Variants in ARID1B observed in about 807,000 individuals in gnomAD.
The protein encoded by ARID1B is AT-rich interaction domain 1B.
ARID1B carries 30 observed loss-of-function variants against 212.3 expected under a neutral mutation model. The observed-to-expected ratio is 0.14, with a 90% confidence interval of 0.11 to 0.19. The LOEUF is 0.19. ARID1B is among the 10% of genes least tolerant of loss of function. The pLI, the probability that ARID1B is intolerant of heterozygous loss-of-function variation, is 1.00. For missense variants in ARID1B, 2,891 were observed against 3,204.0 expected, an observed-to-expected ratio of 0.90 and a Z score of 2.36; for synonymous variants, 1,402 against 1,301.7, an observed-to-expected ratio of 1.08 and a Z score of -1.66.
chr6:157,004,897 CTTTTTTTTTTTTTTT>C (rs1177807875), intron 4 of ARID1B, among the ~76,000 whole-genome samples: 6 of 54,740 alleles, frequency 1.1e-4, no homozygotes, highest in East Asian at 7.4e-4. Context: ...CTTCTTTTTT[CTTTTTTTTTTTTTTT>C]TTTTTTTTTT....
intron 6 of ARID1B, among the ~76,000 whole-genome samples, chr6:157,130,305 G>A (rs533170998): frequency 2.0e-5 from 3 of 152,238 alleles, no homozygotes; most frequent in East Asian, 1.9e-4. Context: ...AAAAGCAATC[G>A]TTCTTTTCAA....
intron 6 of ARID1B, among the ~76,000 whole-genome samples, chr6:157,127,961 C>CAAA (rs1279121300): frequency 5.7e-5 from 5 of 88,418 alleles, no homozygotes; most frequent in African/African-American, 1.8e-4. Context: ...GACTTCATCT[C>CAAA]AAAAAAAAAA....
intron 4 of ARID1B, 31 bp from the exon 5 acceptor site, chr6:157,084,631 C>T (rs770456326): frequency 4.4e-6 from 7 of 1,602,288 alleles, no homozygotes; most frequent in South Asian, 1.1e-5. Context: ...CCAAACGTGT[C>T]ACTCTATAAA....
chr6:156,788,329 G>A (rs904282986), intron 1 of ARID1B, among the ~76,000 whole-genome samples: 79 of 151,912 alleles, frequency 5.2e-4, no homozygotes, highest in African/African-American at 1.9e-3. Flanking sequence ...GTACTGATTG[G>A]GACTCTTGCT....
intron 2 of ARID1B, among the ~76,000 whole-genome samples, chr6:156,849,194 G>A (rs1036753431): frequency 5.9e-5 from 9 of 152,046 alleles, no homozygotes; most frequent in South Asian, 2.1e-4. Context: ...TTGTTGCCTC[G>A]ATTCTTCTGA....
chr6:156,981,181 G>T (rs1777578917), intron 4 of ARID1B, among the ~76,000 whole-genome samples: 1 of 152,196 alleles, frequency 6.6e-6, no homozygotes, highest in South Asian at 2.1e-4. Flanking sequence ...CTTCCTCTAA[G>T]ATTGCTCCAG....
chr6:156,821,116 A>G (rs762868281), intron 1 of ARID1B, among the ~76,000 whole-genome samples: 3 of 152,256 alleles, frequency 2.0e-5, no homozygotes, highest in African/African-American at 7.2e-5. Flanking sequence ...AAGATTTGAA[A>G]AACAACCTCA....
chr6:157,201,703 A>G lies in ARID1B; in HGVS notation c.5263+215A>G, dbSNP rs1182521200. ...AAAGATTGGCCGGGCGCGGTGGCTCATGCCTGTAATACCAGCACTTTGGGA... is the reference window on the plus strand; with the variant it reads ...AAAGATTGGCCGGGCGCGGTGGCTCGTGCCTGTAATACCAGCACTTTGGGA... On this transcript the variant is annotated intron_variant, in intron 18 of 19. Coordinates refer to ENST00000636930, the MANE Select transcript of ARID1B (RefSeq NM_001374828.1). The surrounding 1 kb of genome is among the most constrained non-coding windows in gnomAD (Gnocchi z 5.2). Among the ~76,000 whole-genome samples, 3 of 152,214 alleles carry G rather than the reference A, an allele frequency of 2.0e-5. No individual in the cohort carries two copies. Among genetic ancestry groups the G allele is most frequent in the Non-Finnish European group, 2.9e-5 (2 of 68,034 alleles).
chr6:157,118,602 G>T (rs1378032434), intron 6 of ARID1B, among the ~76,000 whole-genome samples: 1 of 152,184 alleles, frequency 6.6e-6, no homozygotes, highest in African/African-American at 2.4e-5. Context: ...CACCACTCTG[G>T]AAAGCTGCTT....
At position 157,106,426 on chromosome 6, in the gene ARID1B, C is replaced by T. The variant is rs113002663; in HGVS notation, c.2492-4046C>T. Among the ~76,000 whole-genome samples the T allele has an allele frequency of 6.6e-3, 1,005 of 152,288 alleles. 10 individuals carry two copies. The highest frequency in any genetic ancestry group is 0.023 in the African/African-American group (974 of 41,544). On this transcript the variant is annotated intron_variant, in intron 5 of 19. Transcript: ENST00000636930. ...ACTTCCAGTTTCATTCGGATTGTGG[C>T]AGCTTCATCTCCTAGCAGTTGCTGG...
rs756655213 is a variant in ARID1B at position 157,148,891 on chromosome 6, G to A, written c.3029G>A (p.Arg1010His). 10 of 1,612,760 alleles carry A rather than the reference G, an allele frequency of 6.2e-6. No individual in the cohort carries two copies. The East Asian group carries it at 6.7e-5, about 11-fold the overall frequency. Residue 1010 changes from arginine to histidine, a missense_variant, in exon 8 of 20, where the codon CGT becomes CAT. By Grantham distance (29) the Arg-to-His change is conservative. Coordinates refer to ENST00000636930, the MANE Select transcript of ARID1B (RefSeq NM_001374828.1). The surrounding 1 kb of genome is among the most constrained non-coding windows in gnomAD (Gnocchi z 5.6). ...GGGCCGCCAATGCCAACTGTGAACC[G>A]TAAGGCACAGGAGGCAGCCGCAGCA... ...GMGPPMPTVNRKAQEAAAAVM... is the reference protein window; with the variant it reads ...GMGPPMPTVNHKAQEAAAAVM...
At chr6:156,937,582 G>A (rs1011423291) in intron 4 of ARID1B, 1 of 152,210 alleles carries the variant, frequency 6.6e-6, no homozygotes, top group Admixed American at 6.5e-5. Flanking sequence ...TTGGATGGTT[G>A]ACATTCAGCT....
At chr6:156,844,396 A>G (rs925591616) in intron 2 of ARID1B, among the ~76,000 whole-genome samples, 11 of 152,228 alleles carry the variant, frequency 7.2e-5, no homozygotes, top group African/African-American at 2.7e-4. Context: ...TTGTTTTGAT[A>G]AGTAGACTTT....
intron 8 of ARID1B, among the ~76,000 whole-genome samples, chr6:157,160,943 G>A (rs148698978): frequency 2.3e-3 from 353 of 152,288 alleles, no homozygotes; most frequent in Non-Finnish European, 3.8e-3. Context: ...TCCAAGCCAC[G>A]CATGTGGTCG....
intron 6 of ARID1B, among the ~76,000 whole-genome samples, chr6:157,123,449 A>C (rs1220033608): frequency 6.6e-6 from 1 of 152,232 alleles, no homozygotes; most frequent in Non-Finnish European, 1.5e-5. Flanking sequence ...GACTTTCTGC[A>C]TAGTGAGCTA....
Position 157,195,803 on chromosome 6 carries a change from A to G in ARID1B, c.4232-362A>G, listed in dbSNP as rs914266188. ...AGGCCAGGCGCAGTGGCTCACGCCT[A>G]TAATCCCAGCATGTTGCAAGGCTGA... On this transcript the variant is annotated intron_variant, in intron 15 of 19. Coordinates refer to ENST00000636930, the MANE Select transcript of ARID1B (RefSeq NM_001374828.1). 6.7e-5 allele frequency: 17 copies of G among 254,062 alleles called. 1 individual carries two copies. The highest frequency in any genetic ancestry group is 2.2e-4 in the South Asian group (5 of 22,614). The allele number at this position is 254,062 out of a possible 1,614,324, so 15.7% of individuals were successfully genotyped here.
chr6:157,039,720 T>TTCCTTCC (rs1781679321), intron 4 of ARID1B, among the ~76,000 whole-genome samples: 1 of 104,328 alleles, frequency 9.6e-6, no homozygotes, highest in African/African-American at 3.8e-5. Context: ...CTTTCCTTCC[T>TTCCTTCC]TTCTTTCTTT....
At chr6:156,953,569 C>T (rs1412470490) in intron 4 of ARID1B, among the ~76,000 whole-genome samples, 3 of 152,174 alleles carry the variant, frequency 2.0e-5, no homozygotes, top group African/African-American at 7.2e-5. Flanking sequence ...CTCTCTCTGT[C>T]TCCTAGTATG....
chr6:156,932,152 GGGC>G (rs1191815592), intron 3 of ARID1B, among the ~76,000 whole-genome samples: 28 of 133,636 alleles, frequency 2.1e-4, no homozygotes, highest in African/African-American at 7.2e-4. Flanking sequence ...AAAAGGGGGG[GGGC>G]GGGGTGAAGA....
Sources: gnomAD v4.1 joint callset for allele counts (sites outside exome capture counted in the v4.1 genomes callset) on GRCh38, gnomAD v4.1.1 for gene constraint, Gnocchi (gnomAD v3.1) non-coding constraint, MANE v1.5 for transcripts, NCBI Gene and HGNC (gene_info 2026-07-23, HGNC 2026-07-21) for gene names.